Variants in ANKDD1B observed in about 807,000 individuals in gnomAD.
ANKDD1B encodes ankyrin repeat and death domain containing 1B, also known as ankyrin repeat and death domain-containing protein 1B.
ANKDD1B carries 57 observed loss-of-function variants against 59.7 expected under a neutral mutation model. That is an observed-to-expected ratio of 0.95 (90% CI 0.77 to 1.19). The LOEUF (loss-of-function observed/expected upper bound fraction) is 1.19. Among genes scored for constraint, ANKDD1B ranks in the 50% most tolerant of loss-of-function variants. The pLI, the probability that ANKDD1B is intolerant of heterozygous loss-of-function variation, is 0.00. For synonymous variants in ANKDD1B, 216 were observed against 239.5 expected, an observed-to-expected ratio of 0.90 and a Z score of 0.91; for missense variants, 602 against 641.9, an observed-to-expected ratio of 0.94 and a Z score of 0.67.
chr5:75,668,441 C>T (rs1240199389), intron 12 of ANKDD1B, among the ~76,000 whole-genome samples: 1 of 152,174 alleles, frequency 6.6e-6, no homozygotes, highest in Non-Finnish European at 1.5e-5. Context: ...AGGAAAGGAA[C>T]AGAGGACTTG....
chr5:75,611,979 C>G (rs1773571586), intron 1 of ANKDD1B, among the ~76,000 whole-genome samples, 152 bp downstream of exon 1: 1 of 152,152 alleles, frequency 6.6e-6, no homozygotes, highest in African/African-American at 2.4e-5. Flanking sequence ...CCAGCCTGCA[C>G]CGCTGCACTC....
chr5:75,622,537 C>T (rs1368819871), intron 3 of ANKDD1B, among the ~76,000 whole-genome samples: 1 of 152,134 alleles, frequency 6.6e-6, no homozygotes. Context: ...AATGGAGGCT[C>T]TTACTCCAGA....
At chr5:75,612,335 G>T (rs1405696186) in intron 1 of ANKDD1B, among the ~76,000 whole-genome samples, 1 of 30,948 alleles carries the variant, frequency 3.2e-5, no homozygotes, top group Non-Finnish European at 7.1e-5. Context: ...CCCGCCCTCC[G>T]CCCCGCCCCC....
chr5:75,620,007 T>C (rs769336228), intron 2 of ANKDD1B, among the ~76,000 whole-genome samples: 3 of 152,234 alleles, frequency 2.0e-5, no homozygotes, highest in Non-Finnish European at 4.4e-5. Flanking sequence ...CAACTTTTAC[T>C]TTCTAAACAA....
intron 7 of ANKDD1B, among the ~76,000 whole-genome samples, chr5:75,650,892 T>C (rs747717267): frequency 6.6e-6 from 1 of 152,218 alleles, no homozygotes. Context: ...AGCCAGGATT[T>C]TGAAGGCTTA....
chr5:75,640,528 G>C (rs1342111946), intron 7 of ANKDD1B, among the ~76,000 whole-genome samples: 2 of 152,246 alleles, frequency 1.3e-5, no homozygotes, highest in African/African-American at 4.8e-5. Context: ...AAGGCATAGA[G>C]AAAGCATGTT....
At chr5:75,630,844 G>A in intron 5 of ANKDD1B, among the ~76,000 whole-genome samples, 1 of 152,088 alleles carries the variant, frequency 6.6e-6, no homozygotes, top group Non-Finnish European at 1.5e-5. Context: ...ATTATTCATA[G>A]GTATACTTTT....
intron 1 of ANKDD1B, 37 bp downstream of exon 1, chr5:75,611,864 CG>C: frequency 1.6e-6 from 2 of 1,229,686 alleles, no homozygotes; most frequent in Non-Finnish European, 2.0e-6. Flanking sequence ...AATCAGGCTG[CG>C]GGGCGGGCTG....
At chr5:75,627,561 T>G (rs539181489) in intron 5 of ANKDD1B, among the ~76,000 whole-genome samples, 2 of 152,304 alleles carry the variant, frequency 1.3e-5, no homozygotes, top group South Asian at 4.1e-4. Flanking sequence ...CCTATCTGAT[T>G]TTCTCAAAGT....
intron 12 of ANKDD1B, 67 bp downstream of exon 12, chr5:75,667,060 T>TTCCTCCAAG (rs1186790407): frequency 1.8e-6 from 2 of 1,085,194 alleles, no homozygotes; most frequent in African/African-American, 3.2e-5. Context: ...CCTCCTGGTG[T>TTCCTCCAAG]GAGGTCTTCC....
intron 10 of ANKDD1B, among the ~76,000 whole-genome samples, chr5:75,661,932 A>G (rs1487996557): frequency 1.4e-5 from 2 of 141,438 alleles, no homozygotes; most frequent in South Asian, 2.2e-4. Context: ...TTTGCCAAAG[A>G]AAAGTGTTTC....
intron 7 of ANKDD1B, among the ~76,000 whole-genome samples, chr5:75,652,605 G>C (rs770953480): frequency 2.0e-5 from 3 of 152,102 alleles, no homozygotes; most frequent in South Asian, 2.1e-4. Context: ...ACACCACCAA[G>C]CCCAGCTAAT....
chr5:75,612,398 CAGT>C (rs1268401785), intron 1 of ANKDD1B, among the ~76,000 whole-genome samples: 1 of 133,672 alleles, frequency 7.5e-6, no homozygotes, highest in Non-Finnish European at 1.6e-5. Flanking sequence ...GGCTGGAAGG[CAGT>C]AGTGCAATCA....
intron 7 of ANKDD1B, among the ~76,000 whole-genome samples, chr5:75,652,488 C>A (rs1405313576): frequency 2.6e-5 from 4 of 152,174 alleles, no homozygotes; most frequent in Admixed American, 6.5e-5. Context: ...GTTGCCCAGG[C>A]TGGAGTGCAG....
At chr5:75,650,798 T>G (rs1359889257) in intron 7 of ANKDD1B, among the ~76,000 whole-genome samples, 2 of 152,230 alleles carry the variant, frequency 1.3e-5, no homozygotes, top group African/African-American at 4.8e-5. Context: ...CAATGTATTA[T>G]TATTTTCATG....
intron 1 of ANKDD1B, among the ~76,000 whole-genome samples, chr5:75,615,751 C>G (rs1240930126): frequency 2.0e-5 from 3 of 151,436 alleles, no homozygotes; most frequent in Non-Finnish European, 4.4e-5. Context: ...AGATTGGAGC[C>G]CATTTATATG....
intron 2 of ANKDD1B, among the ~76,000 whole-genome samples, chr5:75,618,376 A>G (rs1431238047): frequency 6.6e-6 from 1 of 152,190 alleles, no homozygotes; most frequent in East Asian, 1.9e-4. Flanking sequence ...TCCATATACA[A>G]CTTTCTGTTA....
chr5:75,651,235 T>G (rs1774821525), intron 7 of ANKDD1B, among the ~76,000 whole-genome samples: 1 of 152,196 alleles, frequency 6.6e-6, no homozygotes, highest in Non-Finnish European at 1.5e-5. Flanking sequence ...GAGGAGCCTG[T>G]GGGACAGGAG....
chr5:75,621,087 A>C (rs1006315215), intron 3 of ANKDD1B, among the ~76,000 whole-genome samples: 6 of 152,190 alleles, frequency 3.9e-5, no homozygotes, highest in African/African-American at 1.4e-4. Context: ...CCTATGTCAG[A>C]GTTTAGGGTG....
Sources: gnomAD v4.1 joint callset for allele counts (sites outside exome capture counted in the v4.1 genomes callset) on GRCh38, gnomAD v4.1.1 for gene constraint, MANE v1.5 for transcripts, NCBI Gene and HGNC (gene_info 2026-07-23, HGNC 2026-07-21) for gene names.